The following SMARCA4 variants were observed in gnomAD, a reference collection of about 807,000 sequenced individuals.
SMARCA4 encodes the protein SWI/SNF related BAF chromatin remodeling complex subunit ATPase 4.
SMARCA4 carries 31 observed loss-of-function variants against 193.9 expected under a neutral mutation model. The ratio of observed to expected loss-of-function variants is 0.16; its 90% CI spans 0.12 to 0.22. The LOEUF (loss-of-function observed/expected upper bound fraction) is 0.22, where lower values mean the gene tolerates loss of function less well. Ranked by LOEUF, SMARCA4 falls within the 10% of genes least tolerant of loss-of-function variation. SMARCA4 has a pLI of 1.00. For missense variants in SMARCA4, 1,148 were observed against 2,296.0 expected (o/e 0.50, Z 10.22); for synonymous variants, 942 against 933.1 (o/e 1.01, Z -0.17).
Position 10,985,648 on chromosome 19 carries a change from G to A in SMARCA4, c.355+243G>A, listed in dbSNP as rs1255286282. Among the ~76,000 whole-genome samples, 1 of 152,240 alleles carries A rather than the reference G, an allele frequency of 6.6e-6. No homozygotes were observed. The highest frequency in any genetic ancestry group is 2.1e-4 in the South Asian group (1 of 4,836). On this transcript the variant is annotated intron_variant, in intron 3 of 34. Coordinates refer to ENST00000344626, the MANE Select transcript of SMARCA4 (RefSeq NM_003072.5). The surrounding 1 kb of genome is among the most constrained non-coding windows in gnomAD (Gnocchi z 4.5). ...GGGGGGCAGACCATGTTCAGCATGG[G>A]TGATAGAGGAGGGCTGTGCAGGGCA...
At chr19:10,989,701 T>C (rs535974747) in intron 7 of SMARCA4, among the ~76,000 whole-genome samples, 15 of 138,196 alleles carry the variant, frequency 1.1e-4, no homozygotes, top group African/African-American at 4.0e-4. Flanking sequence ...TCCTTTCCCT[T>C]TCCCTTTTTT....
At chr19:10,998,139 G>A (rs1363531597) in intron 11 of SMARCA4, among the ~76,000 whole-genome samples, 2 of 152,150 alleles carry the variant, frequency 1.3e-5, no homozygotes, top group Non-Finnish European at 1.5e-5. Context: ...CTCCCACCTC[G>A]GCCTTCCAAA....
rs2146821649 is a variant in SMARCA4 at position 11,041,507 on chromosome 19, C to T, written c.4371C>T (p.Asn1457=). Residue 1457 remains asparagine, a synonymous_variant, in exon 30 of 35, where the codon AAC becomes AAT. Coordinates refer to ENST00000344626, the MANE Select transcript of SMARCA4 (RefSeq NM_003072.5). This position sits in a 1 kb window ranked among gnomAD's most constrained non-coding sequence, Gnocchi z 5.6. ...PAEKLSPNPP[N]LTKKMKKIVD... ...AGAAACTCTCCCCTAACCCACCCAACCTCACCAAGAAGATGAAGAAGATTG... is the reference window on the plus strand; with the variant it reads ...AGAAACTCTCCCCTAACCCACCCAATCTCACCAAGAAGATGAAGAAGATTG... 3.1e-6 allele frequency: 5 copies of T among 1,613,984 alleles called. No homozygotes were observed. Among genetic ancestry groups the T allele is most frequent in the Non-Finnish European group, 4.2e-6 (5 of 1,180,014 alleles).
intron 6 of SMARCA4, among the ~76,000 whole-genome samples, chr19:10,988,395 C>T (rs1187200187): frequency 6.6e-6 from 1 of 152,218 alleles, no homozygotes; most frequent in Non-Finnish European, 1.5e-5. Context: ...GCATGAGCCA[C>T]CGCACCTGGC....
At chr19:11,039,379 GC>G (rs1218062977) in intron 29 of SMARCA4, 1 of 743,708 alleles carries the variant, frequency 1.3e-6, no homozygotes, top group Non-Finnish European at 2.2e-6. Context: ...TGACCTAAAT[GC>G]CCAAGAACAA....
At chr19:11,022,271 G>C (rs546630291) in intron 19 of SMARCA4, among the ~76,000 whole-genome samples, 2 of 152,238 alleles carry the variant, frequency 1.3e-5, no homozygotes, top group East Asian at 1.9e-4. Flanking sequence ...GACCGCAAGC[G>C]TGTGGAGAGC....
At chr19:11,008,215 A>G in intron 14 of SMARCA4, 192 bp downstream of exon 14, 1 of 593,678 alleles carries the variant, frequency 1.7e-6, no homozygotes, top group Non-Finnish European at 3.1e-6. Context: ...GAGCAATTGC[A>G]TTCGCATGGT....
intron 24 of SMARCA4, among the ~76,000 whole-genome samples, chr19:11,029,579 G>A (rs2090498020): frequency 6.6e-6 from 1 of 152,272 alleles, no homozygotes. Flanking sequence ...TGGTGCCTGA[G>A]AGAGGGTGGG....
chr19:11,014,597 C>T (rs2089180393), intron 16 of SMARCA4, among the ~76,000 whole-genome samples: 1 of 152,164 alleles, frequency 6.6e-6, no homozygotes, highest in Non-Finnish European at 1.5e-5. Context: ...TGGCTCCCCT[C>T]TGCCCTTCTT....
chr19:11,037,884 A>G (rs544864113), intron 29 of SMARCA4, among the ~76,000 whole-genome samples: 20 of 152,244 alleles, frequency 1.3e-4, no homozygotes, highest in South Asian at 4.1e-4. Flanking sequence ...TGAAGAGACT[A>G]TTTTTTCCCA....
intron 30 of SMARCA4, among the ~76,000 whole-genome samples, chr19:11,050,413 C>T (rs937402870): frequency 6.6e-6 from 1 of 152,358 alleles, no homozygotes; most frequent in South Asian, 2.1e-4. Flanking sequence ...TCAGTCTCCA[C>T]GTCTGCAGCA....
rs368376221 is a variant in SMARCA4 at position 10,962,694 on chromosome 19, C to T, written c.-32+1520C>T. On this transcript the variant is annotated intron_variant, in intron 1 of 34. Coordinates refer to ENST00000344626, the MANE Select transcript of SMARCA4 (RefSeq NM_003072.5). Reference sequence around the variant, plus strand: ...AGTAGCTGGGACTACAGGCGCCCGCCACCACGCCTGGCTAATTTTTGTATT... The same window carrying T: ...AGTAGCTGGGACTACAGGCGCCCGCTACCACGCCTGGCTAATTTTTGTATT... 5.9e-5 allele frequency among the ~76,000 whole-genome samples: 9 copies of T among 152,224 alleles called. No homozygotes were observed. The East Asian group carries it at 1.7e-3, about 29-fold the overall frequency.
intron 13 of SMARCA4, among the ~76,000 whole-genome samples, chr19:11,004,392 G>T (rs1325425308): frequency 6.6e-6 from 1 of 152,028 alleles, no homozygotes; most frequent in Non-Finnish European, 1.5e-5. Flanking sequence ...GGGATTACAG[G>T]CGCCCGCCAC....
At chr19:11,018,381 A>G (rs988447019) in intron 16 of SMARCA4, 24 of 221,702 alleles carry the variant, frequency 1.1e-4, no homozygotes, top group Middle Eastern at 1.9e-3. Context: ...GTCCTCCCTC[A>G]TTCCAGCCCT....
Position 11,003,162 on chromosome 19 carries a change from G to C in SMARCA4, c.1943+3G>C, listed in dbSNP as rs1600133534. ...GCCTGGCTCGAGATGAACCCGGGGT[G>C]AGTTGGGCCTTGCATTCCAGATGCA... On this transcript the variant is annotated splice_donor_region_variant and intron_variant, in intron 12 of 34. Coordinates refer to ENST00000344626, the MANE Select transcript of SMARCA4 (RefSeq NM_003072.5). The C allele has an allele frequency of 6.2e-7, 1 of 1,614,142 alleles. No homozygotes were observed.
chr19:11,004,312 C>G (rs1286694533), intron 13 of SMARCA4, among the ~76,000 whole-genome samples: 1 of 149,874 alleles, frequency 6.7e-6, no homozygotes, highest in African/African-American at 2.5e-5. Flanking sequence ...TGCAGTGGCG[C>G]GATCTCGCTC....
chr19:11,034,808 G>A lies in SMARCA4; in HGVS notation c.3952-106G>A. 2.6e-6 allele frequency: 2 copies of A among 774,778 alleles called. No homozygotes were observed. The highest frequency in any genetic ancestry group is 2.9e-5 in the South Asian group (2 of 68,310). The allele number at this position is 774,778 out of a possible 1,614,324, so 48.0% of individuals were successfully genotyped here. ...TGTTTAACTCTCGCAGCAGCGTGGAGCCCCACGGGCAGAGAAAGGCCCTTC... is the reference window on the plus strand; with the variant it reads ...TGTTTAACTCTCGCAGCAGCGTGGAACCCCACGGGCAGAGAAAGGCCCTTC... On this transcript the variant is annotated intron_variant, in intron 28 of 34. Coordinates refer to ENST00000344626, the MANE Select transcript of SMARCA4 (RefSeq NM_003072.5). This position sits in a 1 kb window ranked among gnomAD's most constrained non-coding sequence, Gnocchi z 7.0.
chr19:11,031,026 C>T lies in SMARCA4; in HGVS notation c.3546+133C>T, dbSNP rs556768586. 4.9e-6 allele frequency: 4 copies of T among 815,478 alleles called. No individual in the cohort carries two copies. The highest frequency in any genetic ancestry group is 4.3e-5 in the South Asian group (3 of 69,092). The allele number at this position is 815,478 out of a possible 1,614,324, so 50.5% of individuals were successfully genotyped here. On this transcript the variant is annotated intron_variant, in intron 25 of 34. Coordinates refer to ENST00000344626, the MANE Select transcript of SMARCA4 (RefSeq NM_003072.5). The surrounding 1 kb of genome is among the most constrained non-coding windows in gnomAD (Gnocchi z 4.3). ...GGACCCCAGGAGCCGGGAGGAGCTG[C>T]ACCCATATCTCCATAGGTCATCAGG... is the stretch of plus-strand genomic sequence containing the variant.
chr19:11,017,420 C>T (rs1232968834), intron 16 of SMARCA4, among the ~76,000 whole-genome samples: 1 of 152,256 alleles, frequency 6.6e-6, no homozygotes. Context: ...CACTGCGCCC[C>T]ACCTGGGCAA....
Sources: gnomAD v4.1 joint callset for allele counts (sites outside exome capture counted in the v4.1 genomes callset) on GRCh38, gnomAD v4.1.1 for gene constraint, Gnocchi (gnomAD v3.1) non-coding constraint, MANE v1.5 for transcripts, NCBI Gene and HGNC (gene_info 2026-07-23, HGNC 2026-07-21) for gene names.